ARHGAP24: variants seen among roughly 807,000 people sequenced by gnomAD.
The protein encoded by ARHGAP24 is rho GTPase-activating protein 24.
In ARHGAP24, 50 loss-of-function variants were observed where a neutral mutation model predicts 76.4. The observed-to-expected ratio is 0.65, with a 90% confidence interval of 0.52 to 0.83. The LOEUF is 0.83. ARHGAP24 is among the 40% of genes least tolerant of loss of function. ARHGAP24 has a pLI of 0.00. For missense variants in ARHGAP24, 930 were observed against 914.2 expected, an observed-to-expected ratio of 1.02 and a Z score of -0.22; for synonymous variants, 345 against 323.3, an observed-to-expected ratio of 1.07 and a Z score of -0.72.
intron 1 of ARHGAP24, among the ~76,000 whole-genome samples, chr4:85,566,547 A>G (rs553421140): frequency 7.2e-5 from 11 of 152,356 alleles, no homozygotes; most frequent in South Asian, 4.1e-4. Context: ...ATTAAATGCA[A>G]TGAAAAAGAA....
At chr4:85,643,234 G>GTGTGTGTGTTTTTTTTTTTT (rs1721592505) in intron 2 of ARHGAP24, among the ~76,000 whole-genome samples, 1 of 54,628 alleles carries the variant, frequency 1.8e-5, no homozygotes, top group African/African-American at 5.9e-5. Flanking sequence ...GTTTTTTTGT[G>GTGTGTGTGTTTTTTTTTTTT]TTTTTTTTTT....
At chr4:85,772,121 A>G (rs1727154017) in intron 3 of ARHGAP24, among the ~76,000 whole-genome samples, 1 of 152,210 alleles carries the variant, frequency 6.6e-6, no homozygotes, top group African/African-American at 2.4e-5. Context: ...AATGTGTCCA[A>G]ATTGTGTAAG....
At chr4:85,744,820 T>C (rs1390659590) in intron 3 of ARHGAP24, among the ~76,000 whole-genome samples, 1 of 152,232 alleles carries the variant, frequency 6.6e-6, no homozygotes, top group Admixed American at 6.5e-5. Flanking sequence ...TTTAAAAATA[T>C]ATCTTTCCCC....
intron 2 of ARHGAP24, among the ~76,000 whole-genome samples, chr4:85,678,650 A>G (rs1723086536): frequency 6.6e-6 from 1 of 152,220 alleles, no homozygotes; most frequent in South Asian, 2.1e-4. Context: ...TAAAGTCAGC[A>G]TCAATGTATC....
At chr4:85,742,825 T>C (rs1309866411) in intron 3 of ARHGAP24, among the ~76,000 whole-genome samples, 1 of 152,272 alleles carries the variant, frequency 6.6e-6, no homozygotes, top group African/African-American at 2.4e-5. Context: ...AATTTTGTTA[T>C]ATTTTAGTGC....
rs1029207075 is a variant in ARHGAP24, at chr4:85,629,894, G to A, written c.180+59173G>A. 6.6e-5 allele frequency among the ~76,000 whole-genome samples: 10 copies of A among 152,012 alleles called. 1 individual carries two copies. The South Asian group carries it at 1.5e-3, about 22-fold the overall frequency. On this transcript the variant is annotated intron_variant, in intron 2 of 9. Coordinates refer to ENST00000395184, the MANE Select transcript of ARHGAP24 (RefSeq NM_001025616.3). ...AATGTTAATTTACCTTGACAAATTTGGGGTTTTCTATGTATTTATTTAAAT... is the reference window on the plus strand; with the variant it reads ...AATGTTAATTTACCTTGACAAATTTAGGGTTTTCTATGTATTTATTTAAAT...
At chr4:85,595,264 A>T (rs1234423361) in intron 2 of ARHGAP24, among the ~76,000 whole-genome samples, 2 of 152,100 alleles carry the variant, frequency 1.3e-5, no homozygotes, top group Non-Finnish European at 2.9e-5. Flanking sequence ...ACCCAGTAGA[A>T]GTTCCTGTCG....
At position 85,683,107 on chromosome 4, in the gene ARHGAP24, T is replaced by TGGG. The variant is rs1310671945; in HGVS notation, c.181-38777_181-38776insGGG. ...CCATCAACTCTTAACTCTCTCAGTG[T>TGGG]GTGGGGGGGTGGGGGGGGGGTGCGG... On this transcript the variant is annotated intron_variant, in intron 2 of 9. Coordinates refer to ENST00000395184, the MANE Select transcript of ARHGAP24 (RefSeq NM_001025616.3). 9.3e-4 allele frequency among the ~76,000 whole-genome samples: 12 copies of TGGG among 12,840 alleles called. 1 individual carries two copies. Among genetic ancestry groups the TGGG allele is most frequent in the East Asian group, 6.6e-3 (2 of 304 alleles). The allele number at this position is 12,840 out of a possible 152,430, so 8.4% of individuals were successfully genotyped here.
intron 2 of ARHGAP24, among the ~76,000 whole-genome samples, chr4:85,632,858 T>G (rs1721200138): frequency 6.6e-6 from 1 of 152,012 alleles, no homozygotes; most frequent in South Asian, 2.1e-4. Flanking sequence ...TTGTTTTCCC[T>G]AATGAGATAA....
intron 2 of ARHGAP24, among the ~76,000 whole-genome samples, chr4:85,624,960 T>G (rs1720885407): frequency 6.6e-6 from 1 of 152,182 alleles, no homozygotes; most frequent in African/African-American, 2.4e-5. Context: ...GATTCTTCTC[T>G]CTTTTCTTCT....
intron 1 of ARHGAP24, among the ~76,000 whole-genome samples, chr4:85,537,362 T>C (rs562073136): frequency 6.6e-6 from 1 of 152,246 alleles, no homozygotes; most frequent in Non-Finnish European, 1.5e-5. Context: ...CAACATTCTT[T>C]CTTTTCCTTT....
chr4:85,800,742 CT>C (rs1278408977), intron 3 of ARHGAP24, among the ~76,000 whole-genome samples: 1 of 152,212 alleles, frequency 6.6e-6, no homozygotes. Flanking sequence ...TGAAACAATG[CT>C]TATAACCATG....
At chr4:85,723,013 G>A (rs550346995) in intron 3 of ARHGAP24, among the ~76,000 whole-genome samples, 85 of 152,298 alleles carry the variant, frequency 5.6e-4, no homozygotes, top group African/African-American at 1.9e-3. Flanking sequence ...GTGCAGAAAG[G>A]TTAGTCAGAT....
intron 1 of ARHGAP24, among the ~76,000 whole-genome samples, chr4:85,528,493 G>A (rs532981608): frequency 1.3e-4 from 20 of 152,080 alleles, no homozygotes; most frequent in African/African-American, 4.8e-4. Flanking sequence ...AAGATCAGAT[G>A]GCAATTGTAA....
intron 2 of ARHGAP24, among the ~76,000 whole-genome samples, chr4:85,650,510 T>G (rs753722402): frequency 6.7e-6 from 1 of 149,532 alleles, no homozygotes; most frequent in Non-Finnish European, 1.5e-5. Flanking sequence ...ACCTGTCTTA[T>G]TGTTGATGTG....
intron 1 of ARHGAP24, among the ~76,000 whole-genome samples, chr4:85,539,694 T>A (rs968977977): frequency 6.6e-6 from 1 of 152,226 alleles, no homozygotes; most frequent in African/African-American, 2.4e-5. Flanking sequence ...CTTTCAAATT[T>A]GAAACACTTT....
rs939238851 is a variant in ARHGAP24 at position 85,859,332 on chromosome 4, T to G, written c.269-64316T>G. On this transcript the variant is annotated intron_variant, in intron 3 of 9. Coordinates refer to ENST00000395184, the MANE Select transcript of ARHGAP24 (RefSeq NM_001025616.3). ...TTCTCAGTCATAAGCTACCAAGACT[T>G]AGATGTCCTTTAGGAGTTATTTCAT... 3.3e-5 allele frequency among the ~76,000 whole-genome samples: 5 copies of G among 152,090 alleles called. No homozygotes were observed. The East Asian group carries it at 9.6e-4, about 29-fold the overall frequency.
intron 3 of ARHGAP24, among the ~76,000 whole-genome samples, chr4:85,881,549 G>A (rs1222684061): frequency 6.6e-6 from 1 of 152,090 alleles, no homozygotes; most frequent in Non-Finnish European, 1.5e-5. Context: ...CACAGACGGT[G>A]ATTTCAAAGA....
rs183120842 is a variant in ARHGAP24, at chr4:85,564,340, C to G, written c.-20-6182C>G. Among the ~76,000 whole-genome samples, 402 of 140,502 alleles carry G rather than the reference C, an allele frequency of 2.9e-3. 1 individual carries two copies. The highest frequency in any genetic ancestry group is 9.9e-3 in the South Asian group (42 of 4,248). The allele number at this position is 140,502 out of a possible 152,430, so 92.2% of individuals were successfully genotyped here. On this transcript the variant is annotated intron_variant, in intron 1 of 9. Transcript: ENST00000395184. ...TTCTCGCTCATAGGTGGGAATTGAG[C>G]AATGAGAACACTTGGACACAGGAAG...
Sources: gnomAD v4.1 joint callset for allele counts (sites outside exome capture counted in the v4.1 genomes callset) on GRCh38, gnomAD v4.1.1 for gene constraint, MANE v1.5 for transcripts, NCBI Gene and HGNC (gene_info 2026-07-23, HGNC 2026-07-21) for gene names.